Variants in DNAH10 observed in about 807,000 individuals in gnomAD.
DNAH10 encodes axonemal beta dynein heavy chain 10.
DNAH10 carries 348 observed loss-of-function variants against 506.6 expected under a neutral mutation model. The observed-to-expected ratio is 0.69, with a 90% CI of 0.63 to 0.75. The LOEUF is 0.75. Ranked by LOEUF, DNAH10 falls within the 30% of genes least tolerant of loss-of-function variation. DNAH10 has a pLI of 0.00. For synonymous variants in DNAH10, 2,059 were observed against 2,198.6 expected, an observed-to-expected ratio of 0.94 and a Z score of 1.78; for missense variants, 5,179 against 5,787.1, an observed-to-expected ratio of 0.89 and a Z score of 3.41.
intron 39 of DNAH10, among the ~76,000 whole-genome samples, chr12:123,862,431 C>A (rs1432751702): frequency 6.6e-6 from 1 of 151,874 alleles, no homozygotes; most frequent in African/African-American, 2.4e-5. Context: ...TGCTCTGTTG[C>A]CCAGGCTAAG....
intron 6 of DNAH10, among the ~76,000 whole-genome samples, chr12:123,782,213 G>C (rs916301508): frequency 1.3e-5 from 2 of 151,632 alleles, no homozygotes; most frequent in African/African-American, 4.9e-5. Context: ...CTGATTCTCT[G>C]ATTGTATCTT....
At chr12:123,855,782 T>C (rs931404293) in intron 36 of DNAH10, among the ~76,000 whole-genome samples, 41 of 151,534 alleles carry the variant, frequency 2.7e-4, no homozygotes, top group African/African-American at 9.9e-4. Context: ...AAGTTTCTGC[T>C]CCTTCCCTCT....
Position 123,918,709 on chromosome 12 carries a change from G to C in DNAH10, c.11266G>C (p.Ala3756Pro). The C allele has an allele frequency of 1.3e-6, 2 of 1,585,286 alleles. No individual in the cohort carries two copies. The highest frequency in any genetic ancestry group is 1.7e-6 in the Non-Finnish European group (2 of 1,161,692). The change falls in exon 65 of 79, where the codon GCC becomes CCC. Residue 3756 changes from alanine to proline, a missense_variant. Coordinates refer to ENST00000673944, the MANE Select transcript of DNAH10 (RefSeq NM_001372106.1). Reference sequence around the variant, plus strand: ...GAAACTCAAGCTGGCGGAGAAGACAGCCTTGGACATCGACAGGCTGCGGGA... The same window carrying C: ...GAAACTCAAGCTGGCGGAGAAGACACCCTTGGACATCGACAGGCTGCGGGA... ...SEKLKLAEKT[A>P]LDIDRLRDGY...
intron 24 of DNAH10, 35 bp downstream of exon 24, chr12:123,820,793 C>T (rs749249286): frequency 1.9e-6 from 3 of 1,606,842 alleles, no homozygotes; most frequent in African/African-American, 1.3e-5. Context: ...GACTCAGGCT[C>T]ACTGAAGGGG....
chr12:123,861,245 G>T (rs756586741), intron 39 of DNAH10, 75 bp downstream of exon 39: 2 of 1,526,014 alleles, frequency 1.3e-6, no homozygotes, highest in Non-Finnish European at 1.8e-6. Flanking sequence ...ACGGTGGCAG[G>T]ACTATACATT....
rs1952779696 is a variant in DNAH10, at chr12:123,887,318, A to G, written c.8995+5A>G. 1 of 1,612,066 alleles carries G rather than the reference A, an allele frequency of 6.2e-7. No homozygotes were observed. Among genetic ancestry groups the G allele is most frequent in the Non-Finnish European group, 8.5e-7 (1 of 1,179,314 alleles). On this transcript the variant is annotated splice_donor_5th_base_variant and intron_variant, in intron 52 of 78. Transcript: ENST00000673944. ...TCAACAACATGCTGACCTCAGGTAC[A>G]GCCAAGGCTGGCGCCCGCTGTGGCC...
chr12:123,896,552 C>G (rs936641540), intron 54 of DNAH10, among the ~76,000 whole-genome samples: 4 of 152,012 alleles, frequency 2.6e-5, no homozygotes, highest in African/African-American at 9.7e-5. Flanking sequence ...ACCGAATAAG[C>G]CCACCCAGTC....
intron 65 of DNAH10, among the ~76,000 whole-genome samples, chr12:123,922,168 A>T (rs1954759411): frequency 6.6e-6 from 1 of 151,956 alleles, no homozygotes; most frequent in Admixed American, 6.6e-5. Flanking sequence ...AGGTCAAGAG[A>T]TGGAGACCAT....
chr12:123,833,061 C>A (rs1960744499), intron 26 of DNAH10, 53 bp from the exon 27 acceptor site: 2 of 1,436,740 alleles, frequency 1.4e-6, no homozygotes, highest in Admixed American at 2.0e-5. Context: ...TGGGTTGGGG[C>A]TCGGTCCTTT....
chr12:123,875,587 A>G, intron 47 of DNAH10, 96 bp downstream of exon 47: 1 of 1,456,850 alleles, frequency 6.9e-7, no homozygotes, highest in African/African-American at 1.4e-5. Context: ...CAGCAGGGTT[A>G]GGGCCCTCAA....
intron 41 of DNAH10, 133 bp downstream of exon 41, chr12:123,866,206 T>A (rs2136922453): frequency 3.6e-6 from 1 of 276,250 alleles, no homozygotes; most frequent in Non-Finnish European, 6.1e-6. Flanking sequence ...GAGCACAAAA[T>A]AAGTGAAAAC....
At position 123,783,130 on chromosome 12, in the gene DNAH10, A is replaced by G. The variant is rs746639992; in HGVS notation, c.865A>G (p.Ile289Val). 2.4e-5 allele frequency: 38 copies of G among 1,614,042 alleles called. No individual in the cohort carries two copies. The highest frequency in any genetic ancestry group is 3.3e-4 in the Middle Eastern group (2 of 6,084). ...LEGEIKLEMP[I>V]ISVEGEVSDL... ...AGGTGAGATCAAGTTAGAAATGCCA[A>G]TCATCAGTGTGGAGGGAGAGGTGTC... is the stretch of plus-strand genomic sequence containing the variant. The change falls in exon 7 of 79, where the codon ATC becomes GTC. Residue 289 changes from isoleucine (I) to valine (V), a missense_variant. Coordinates refer to ENST00000673944, the MANE Select transcript of DNAH10 (RefSeq NM_001372106.1).
Position 123,808,857 on chromosome 12 carries a change from C to T in DNAH10, c.3048C>T (p.Thr1016=). 1.2e-6 allele frequency: 2 copies of T among 1,614,154 alleles called. No individual in the cohort carries two copies. The highest frequency in any genetic ancestry group is 1.7e-6 in the Non-Finnish European group (2 of 1,180,020). ...ATGTCCCTCTGTTCCACACTGAAAC[C>T]ATTCTGACGGCACCTGAGATCATCC... ...LGNVPLFHTE[T]ILTAPEIILH... is the part of the protein sequence containing the mutation. The change falls in exon 19 of 79, where the codon ACC becomes ACT. Residue 1016 remains threonine, a synonymous_variant. Coordinates refer to ENST00000673944, the MANE Select transcript of DNAH10 (RefSeq NM_001372106.1).
Position 123,785,989 on chromosome 12 carries a change from T to G in DNAH10, c.1421+53T>G. On this transcript the variant is annotated intron_variant, in intron 9 of 78. Coordinates refer to ENST00000673944, the MANE Select transcript of DNAH10 (RefSeq NM_001372106.1). The surrounding 1 kb of genome is among the most constrained non-coding windows in gnomAD (Gnocchi z 4.1). ...GTTTTGTTTTGTTTCACTTTTTACT[T>G]TTTAGATCTTAAACAGCTCTATTGA... The G allele has an allele frequency of 1.3e-6, 2 of 1,557,668 alleles. No homozygotes were observed. The highest frequency in any genetic ancestry group is 1.7e-6 in the Non-Finnish European group (2 of 1,144,888).
Position 123,929,379 on chromosome 12 carries a change from G to A in DNAH10, c.12411G>A (p.Pro4137=), listed in dbSNP as rs778978439. 1.4e-5 allele frequency: 22 copies of A among 1,612,652 alleles called. No homozygotes were observed. In the African/African-American group the frequency reaches 2.3e-4, roughly 17 times the overall value. Residue 4137 remains proline (P), a synonymous_variant, in exon 71 of 79, where the codon CCG becomes CCA. Transcript: ENST00000673944. ...LDQCPHPAFK[P]LVYVLAFFHA... ...AGTGCCCGCACCCTGCCTTCAAGCC[G>A]CTGGTCTACGTGCTGGCGTTCTTTC...
chr12:123,762,944 C>G lies in DNAH10; in HGVS notation c.214+394C>G, dbSNP rs1956883537. Among the ~76,000 whole-genome samples, 1 of 152,158 alleles carries G rather than the reference C, an allele frequency of 6.6e-6. No individual in the cohort carries two copies. The highest frequency in any genetic ancestry group is 6.5e-5 in the Admixed American group (1 of 15,280). Reference sequence around the variant, plus strand: ...AACCTGCCCAAGGCCCACGGGGCGTCAAGATCCACTGTGCAATAATCCGAA... The same window carrying G: ...AACCTGCCCAAGGCCCACGGGGCGTGAAGATCCACTGTGCAATAATCCGAA... On this transcript the variant is annotated intron_variant, in intron 1 of 78. Coordinates refer to ENST00000673944, the MANE Select transcript of DNAH10 (RefSeq NM_001372106.1). The surrounding 1 kb of genome is among the most constrained non-coding windows in gnomAD (Gnocchi z 5.0).
At position 123,909,299 on chromosome 12, in the gene DNAH10, G is replaced by T. The variant is rs777470656; in HGVS notation, c.9854G>T (p.Cys3285Phe). ...AKPPKQVQTVCECILIMKGYK... is the reference protein window; with the variant it reads ...AKPPKQVQTVFECILIMKGYK... ...CCCCCGAAGCAGGTGCAGACGGTCTGCGAATGCATCCTCATCATGAAAGGG... is the reference window on the plus strand; with the variant it reads ...CCCCCGAAGCAGGTGCAGACGGTCTTCGAATGCATCCTCATCATGAAAGGG... Residue 3285 changes from cysteine to phenylalanine, a missense_variant, in exon 58 of 79, where the codon TGC (cysteine) becomes TTC (phenylalanine). Cys to Phe is a radical substitution (Grantham distance 205). This residue lies in a region of DNAH10 where 4,844 missense variants were observed against 5,430.5 expected (regional missense o/e 0.89). Coordinates refer to ENST00000673944, the MANE Select transcript of DNAH10 (RefSeq NM_001372106.1). This position sits in a 1 kb window ranked among gnomAD's most constrained non-coding sequence, Gnocchi z 5.4. The T allele has an allele frequency of 3.7e-6, 6 of 1,613,536 alleles. No individual in the cohort carries two copies. The Admixed American group carries it at 6.7e-5, about 18-fold the overall frequency.
At chr12:123,856,165 ATTAAT>A (rs1951381343) in intron 36 of DNAH10, among the ~76,000 whole-genome samples, 1 of 147,124 alleles carries the variant, frequency 6.8e-6, no homozygotes, top group Non-Finnish European at 1.5e-5. Context: ...TACAAATATA[ATTAAT>A]TTATATGAAT....
chr12:123,797,059 G>A (rs1465298769), intron 13 of DNAH10, among the ~76,000 whole-genome samples: 1 of 152,130 alleles, frequency 6.6e-6, no homozygotes, highest in African/African-American at 2.4e-5. Flanking sequence ...TTTTAGTAGA[G>A]GTGGGATTTT....
Sources: gnomAD v4.1 joint callset for allele counts (sites outside exome capture counted in the v4.1 genomes callset) on GRCh38, gnomAD v4.1.1 for gene constraint, gnomAD v4.1.1 regional missense constraint, Gnocchi (gnomAD v3.1) non-coding constraint, MANE v1.5 for transcripts, NCBI Gene and HGNC (gene_info 2026-07-23, HGNC 2026-07-21) for gene names.